Variants in NCOR2 observed in about 807,000 individuals in gnomAD.
The protein encoded by NCOR2 is CTG repeat protein 26.
A neutral mutation model predicts 262.9 loss-of-function variants in NCOR2; 81 were observed. That is an observed-to-expected ratio of 0.31 (90% CI 0.26 to 0.37). The LOEUF (loss-of-function observed/expected upper bound fraction) is 0.37, where lower values mean the gene tolerates loss of function less well. Among genes scored for constraint, NCOR2 ranks in the 10% least tolerant of loss-of-function variants. The pLI is 1.00. For missense variants in NCOR2, 3,385 were observed against 3,621.4 expected (o/e 0.93, Z 1.68); for synonymous variants, 1,659 against 1,559.3 (o/e 1.06, Z -1.51).
At chr12:124,358,426 C>CTGTG (rs1223175634) in intron 22 of NCOR2, among the ~76,000 whole-genome samples, 1 of 151,544 alleles carries the variant, frequency 6.6e-6, no homozygotes. Flanking sequence ...GTGTGTGCGC[C>CTGTG]TGTGTGTGTG....
At chr12:124,415,092 C>A (rs1388068924) in intron 13 of NCOR2, among the ~76,000 whole-genome samples, 8 of 152,204 alleles carry the variant, frequency 5.3e-5, no homozygotes, top group African/African-American at 1.9e-4. Flanking sequence ...TCCCAGCCTG[C>A]AGGTGCCAGC....
exon 23 of NCOR2, chr12:124,356,744 G>A: frequency 6.7e-7 from 1 of 1,496,390 alleles, no homozygotes; most frequent in Non-Finnish European, 8.8e-7. Context: ...GTCCAGCAAG[G>A]GGGGTCCCCA....
At chr12:124,402,373 G>T in intron 14 of NCOR2, 31 bp downstream of exon 16, 2 of 1,611,448 alleles carry the variant, frequency 1.2e-6, no homozygotes, top group Non-Finnish European at 1.7e-6. Flanking sequence ...GTCAGCGGCC[G>T]GGCCCTGCAG....
rs2051629470 is a variant in NCOR2, at chr12:124,549,055, G to A, written c.-164-13444C>T. ...GTCTGTATTAAGGAGGAATTTCATT[G>A]CCCAGGAGTAGAGGGGATTTCCCAA... is the stretch of plus-strand genomic sequence containing the variant. On this transcript the variant is annotated intron_variant, in intron 1 of 32. Transcript: ENST00000458234. This position sits in a 1 kb window ranked among gnomAD's most constrained non-coding sequence, Gnocchi z 4.4. Among the ~76,000 whole-genome samples the A allele has an allele frequency of 6.6e-6, 1 of 152,124 alleles. No individual in the cohort carries two copies. Among genetic ancestry groups the A allele is most frequent in the Non-Finnish European group, 1.5e-5 (1 of 68,032 alleles).
At chr12:124,447,702 T>C (rs149775725) in intron 7 of NCOR2, among the ~76,000 whole-genome samples, 75 of 152,094 alleles carry the variant, frequency 4.9e-4, no homozygotes, top group Non-Finnish European at 8.7e-4. Context: ...TTCTTTCTTT[T>C]TTTTTTTTAA....
At chr12:124,418,521 G>A (rs1326926586) in intron 13 of NCOR2, among the ~76,000 whole-genome samples, 4 of 152,198 alleles carry the variant, frequency 2.6e-5, no homozygotes, top group Non-Finnish European at 5.9e-5. Flanking sequence ...ACTATAGGGA[G>A]TACCAGCCAC....
intron 38 of NCOR2, chr12:124,336,475 G>C (rs1056368352): frequency 1.5e-5 from 8 of 548,930 alleles, no homozygotes; most frequent in Non-Finnish European, 2.1e-5. Context: ...AGGGGCAGGC[G>C]CGGCCGGAGT....
intron 1 of NCOR2, among the ~76,000 whole-genome samples, chr12:124,500,851 G>C (rs772213461): frequency 6.6e-6 from 1 of 152,150 alleles, no homozygotes; most frequent in Non-Finnish European, 1.5e-5. Context: ...TGGTGGAGGT[G>C]TGGGAGCTAC....
intron 44 of NCOR2, among the ~76,000 whole-genome samples, chr12:124,327,980 C>A (rs2034832094): frequency 6.6e-6 from 1 of 151,820 alleles, no homozygotes; most frequent in Non-Finnish European, 1.5e-5. Flanking sequence ...TCACAAGCCC[C>A]GTCTGCACCT....
At position 124,549,262 on chromosome 12, in the gene NCOR2, C is replaced by T. The variant is rs1451382288; in HGVS notation, c.-164-13651G>A. On this transcript the variant is annotated intron_variant, in intron 1 of 32. Transcript: ENST00000458234. The surrounding 1 kb of genome is among the most constrained non-coding windows in gnomAD (Gnocchi z 4.4). ...CGCACTGAGACAGGCAGGCACGCAG[C>T]TGAGGGGCTGGCGGTGGGAGGGGCA... 6.6e-6 allele frequency among the ~76,000 whole-genome samples: 1 copy of T among 151,926 alleles called. No individual in the cohort carries two copies. The highest frequency in any genetic ancestry group is 1.5e-5 in the Non-Finnish European group (1 of 67,978).
rs2047565666 is a variant in NCOR2, at chr12:124,482,787, G to A, written c.411+809C>T. Among the ~76,000 whole-genome samples, 1 of 152,128 alleles carries A rather than the reference G, an allele frequency of 6.6e-6. No homozygotes were observed. The highest frequency in any genetic ancestry group is 6.5e-5 in the Admixed American group (1 of 15,284). On this transcript the variant is annotated intron_variant, in intron 3 of 46. Coordinates refer to ENST00000405201, the Ensembl canonical transcript of NCOR2. This position sits in a 1 kb window ranked among gnomAD's most constrained non-coding sequence, Gnocchi z 6.3. ...GATGCAGACGAGCCTGAAGTTGTCT[G>A]GCTCCCCTGCCCAAAGTGCATCCGT...
chr12:124,334,620 G>A lies in NCOR2; in HGVS notation c.6412-3C>T. 7.3e-7 allele frequency: 1 copy of A among 1,376,262 alleles called. No homozygotes were observed. The allele number at this position is 1,376,262 out of a possible 1,614,324, so 85.3% of individuals were successfully genotyped here. A position where few individuals can be genotyped will look rare whatever the true frequency, so the allele number is the denominator to read the frequency against. ...GTGTAGTCCTGTGTGATGACCTCCT[G>A]CAGGCAAGTGGGGGGGCCCAGAGTC... On this transcript the variant is annotated splice_polypyrimidine_tract_variant and splice_region_variant and intron_variant, in intron 40 of 46. Transcript: ENST00000405201.
chr12:124,547,181 C>T (rs554020396), intron 1 of NCOR2, among the ~76,000 whole-genome samples: 3 of 151,814 alleles, frequency 2.0e-5, no homozygotes, highest in Non-Finnish European at 4.4e-5. Flanking sequence ...TTAGTAGAGA[C>T]GGGGTTTCAC....
chr12:124,496,613 A>T (rs2048395273), upstream of NCOR2, among the ~76,000 whole-genome samples: 1 of 152,062 alleles, frequency 6.6e-6, no homozygotes, highest in African/African-American at 2.4e-5. This position sits in a 1 kb window ranked among gnomAD's most constrained non-coding sequence, Gnocchi z 4.4. Context: ...GTCCTTCTCC[A>T]AGCAGGAAAG....
chr12:124,337,330 T>A (rs745395964), intron 37 of NCOR2, 150 bp from the exon 40 acceptor site: 1 of 910,980 alleles, frequency 1.1e-6, no homozygotes, highest in South Asian at 1.4e-5. Flanking sequence ...TGCCAGACTC[T>A]GTGCGTCATG....
In NCOR2 at chr12:124,333,989, CAT is replaced by C. The variant is rs558751205; in HGVS notation, c.6605+433_6605+434del. ...GCGGGTGCGCATGTGTGCGGGTGTG[CAT>C]GTGTGTGTGTGCGCATGTGTGTGGG... On this transcript the variant is annotated intron_variant, in intron 41 of 46. Transcript: ENST00000405201. Among the ~76,000 whole-genome samples the C allele has an allele frequency of 1.9e-3, 286 of 151,234 alleles. 1 individual carries two copies. Among genetic ancestry groups the C allele is most frequent in the African/African-American group, 5.2e-3 (212 of 41,152 alleles).
chr12:124,429,618 G>T (rs1458941088), exon 10 of NCOR2: 1 of 1,602,918 alleles, frequency 6.2e-7, no homozygotes, highest in Admixed American at 1.7e-5. Context: ...CTCACCTCCT[G>T]CTCTGAGAGG....
chr12:124,431,915 G>GC lies in NCOR2; in HGVS notation c.883-1129dup, dbSNP rs552981617. On this transcript the variant is annotated intron_variant, in intron 8 of 46. Transcript: ENST00000405201. ...TATACACAGGCACATAAGTCACACA[G>GC]CCAGCCAGCCAGACACACAGATGGT... Among the ~76,000 whole-genome samples, 253 of 150,776 alleles carry GC rather than the reference G, an allele frequency of 1.7e-3. 2 individuals carry two copies. The highest frequency in any genetic ancestry group is 5.2e-3 in the African/African-American group (210 of 40,740).
chr12:124,498,066 C>T (rs142341690), upstream of NCOR2, among the ~76,000 whole-genome samples: 603 of 152,344 alleles, frequency 4.0e-3, 3 homozygotes, highest in Middle Eastern at 0.01. Context: ...AGTTCCCGGT[C>T]TCTCGGAGGA....
Sources: allele counts gnomAD v4.1 joint callset (sites outside exome capture counted in the v4.1 genomes callset), GRCh38; gene constraint gnomAD v4.1.1; non-coding constraint Gnocchi (gnomAD v3.1); transcripts MANE v1.5; gene names NCBI Gene and HGNC (gene_info 2026-07-23, HGNC 2026-07-21).